Variants in ARHGAP11A observed in about 807,000 individuals in gnomAD.
The protein encoded by ARHGAP11A is Rho GTPase activating protein 11A.
In ARHGAP11A, 36 loss-of-function variants were observed where a neutral mutation model predicts 60.5. The observed-to-expected ratio is 0.59, with a 90% confidence interval of 0.46 to 0.79. ARHGAP11A has a LOEUF of 0.79. ARHGAP11A is among the 30% of genes least tolerant of loss of function. The pLI is 0.00. For missense variants in ARHGAP11A, 1,071 were observed against 1,199.2 expected (o/e 0.89, Z 1.58); for synonymous variants, 362 against 415.5 (o/e 0.87, Z 1.57).
chr15:32,620,868 C>A (rs908516760), intron 2 of ARHGAP11A, among the ~76,000 whole-genome samples: 36 of 151,900 alleles, frequency 2.4e-4, no homozygotes, highest in African/African-American at 8.7e-4. Flanking sequence ...GATTTTGAGA[C>A]CAGTCTGGGC....
chr15:32,624,627 T>C (rs2053415678), intron 4 of ARHGAP11A, among the ~76,000 whole-genome samples: 1 of 152,264 alleles, frequency 6.6e-6, no homozygotes, highest in East Asian at 1.9e-4. Flanking sequence ...GTCATCATCA[T>C]GAATGCCTTA....
chr15:32,625,689 A>C, intron 6 of ARHGAP11A, 56 bp downstream of exon 6: 4 of 1,586,672 alleles, frequency 2.5e-6, no homozygotes, highest in Non-Finnish European at 3.4e-6. Flanking sequence ...TCGAAAGTAC[A>C]TTTCACATAA....
At chr15:32,618,281 G>GA (rs11408209) in intron 1 of ARHGAP11A, among the ~76,000 whole-genome samples, 41,526 of 151,906 alleles carry the variant, frequency 0.27, 5,807 homozygotes, top group Admixed American at 0.3. Flanking sequence ...AAGACTTAAG[G>GA]AAAAAAACAC....
At chr15:32,625,689 A>G in intron 6 of ARHGAP11A, 56 bp downstream of exon 6, 1 of 1,586,672 alleles carries the variant, frequency 6.3e-7, no homozygotes, top group Non-Finnish European at 8.6e-7. Flanking sequence ...TCGAAAGTAC[A>G]TTTCACATAA....
In ARHGAP11A at chr15:32,626,031, G is replaced by T. The variant is rs568286864; in HGVS notation, c.862+398G>T. The stretch of plus-strand genomic sequence containing the variant: ...GAAGAAGTAACCTATGTCTAATGTA[G>T]ATAGTGCAGTATGACTTGAGTGAAG... On this transcript the variant is annotated intron_variant, in intron 6 of 11. Transcript: ENST00000361627. 6.9e-4 allele frequency among the ~76,000 whole-genome samples: 105 copies of T among 152,162 alleles called. 1 individual carries two copies. The South Asian group carries it at 0.021, about 30-fold the overall frequency.
intron 2 of ARHGAP11A, among the ~76,000 whole-genome samples, chr15:32,621,929 T>C (rs1405500757): frequency 6.6e-6 from 1 of 152,306 alleles, no homozygotes; most frequent in African/African-American, 2.4e-5. Context: ...TCATTTGGGC[T>C]ACTATAGACC....
At chr15:32,622,198 G>T (rs1441711159) in intron 2 of ARHGAP11A, among the ~76,000 whole-genome samples, 1 of 152,298 alleles carries the variant, frequency 6.6e-6, no homozygotes, top group Non-Finnish European at 1.5e-5. Context: ...GTGGTGGATT[G>T]CTTGAGCCCA....
At position 32,633,112 on chromosome 15, in the gene ARHGAP11A, C is replaced by T. The variant is rs1196725793; in HGVS notation, c.1235+4C>T. Reference sequence around the variant, plus strand: ...TTGCAGGCAAAAAAGTTTGCAGGTACTTTATCCAGGACATTTTGTTTTCAT... The same window carrying T: ...TTGCAGGCAAAAAAGTTTGCAGGTATTTTATCCAGGACATTTTGTTTTCAT... On this transcript the variant is annotated splice_donor_region_variant and intron_variant, in intron 9 of 11. Coordinates refer to ENST00000361627, the MANE Select transcript of ARHGAP11A (RefSeq NM_014783.6). 3.1e-6 allele frequency: 5 copies of T among 1,613,824 alleles called. No homozygotes were observed. Among genetic ancestry groups the T allele is most frequent in the Non-Finnish European group, 4.2e-6 (5 of 1,179,868 alleles).
At chr15:32,624,518 GA>G in intron 4 of ARHGAP11A, 92 bp downstream of exon 4, 1 of 1,468,902 alleles carries the variant, frequency 6.8e-7, no homozygotes, top group Non-Finnish European at 9.1e-7. Flanking sequence ...ATTTGGAATG[GA>G]AATTTTTCTT....
rs970930708 is a variant in ARHGAP11A, at chr15:32,636,763, A to G, written c.1990A>G (p.Lys664Glu). Residue 664 changes from lysine to glutamate, a missense_variant, in exon 12 of 12, where the codon AAA (lysine) becomes GAA (glutamate). Physicochemically the swap from Lys to Glu is moderately conservative, Grantham distance 56. This residue lies in a region of ARHGAP11A where 776 missense variants were observed against 760.2 expected (regional missense o/e 1.02). Transcript: ENST00000361627. Reference protein sequence around the residue: ...SKEKYEHHTGKGEKCFSERDF... With the variant: ...SKEKYEHHTGEGEKCFSERDF... ...GGAGAAATATGAACACCACACTGGT[A>G]AAGGTGAAAAATGTTTTTCAGAGAG... 2.5e-6 allele frequency: 4 copies of G among 1,612,388 alleles called. No homozygotes were observed. Among genetic ancestry groups the G allele is most frequent in the Non-Finnish European group, 3.4e-6 (4 of 1,179,656 alleles).
chr15:32,622,595 A>G (rs1377104883), intron 2 of ARHGAP11A, among the ~76,000 whole-genome samples: 3 of 152,028 alleles, frequency 2.0e-5, no homozygotes, highest in African/African-American at 7.2e-5. Flanking sequence ...CTGTGCACCA[A>G]TACAGCTGTA....
Position 32,633,069 on chromosome 15 carries a change from C to T in ARHGAP11A, c.1196C>T (p.Pro399Leu), listed in dbSNP as rs2053621376. 4 of 1,614,014 alleles carry T rather than the reference C, an allele frequency of 2.5e-6. No individual in the cohort carries two copies. The highest frequency in any genetic ancestry group is 3.4e-6 in the Non-Finnish European group (4 of 1,179,944). Reference protein sequence around the residue: ...GGNHLITAGVPRRSKRIAGKK... With the variant: ...GGNHLITAGVLRRSKRIAGKK... Reference sequence around the variant, plus strand: ...AACCATTTGATCACTGCAGGTGTGCCAAGGCGAAGTAAAAGAATTGCAGGC... The same window carrying T: ...AACCATTTGATCACTGCAGGTGTGCTAAGGCGAAGTAAAAGAATTGCAGGC... Residue 399 changes from proline (P) to leucine (L), a missense_variant, in exon 9 of 12, where the codon CCA becomes CTA. Pro to Leu is a moderately conservative substitution (Grantham distance 98). This residue lies in a region of ARHGAP11A where 776 missense variants were observed against 760.2 expected (regional missense o/e 1.02). Transcript: ENST00000361627.
chr15:32,631,694 G>C (rs886790951), intron 8 of ARHGAP11A, among the ~76,000 whole-genome samples: 7 of 151,950 alleles, frequency 4.6e-5, no homozygotes, highest in Non-Finnish European at 8.8e-5. Context: ...TTTATTTTTT[G>C]AGACGGAGTC....
rs61733063 is a variant in ARHGAP11A, at chr15:32,633,073, G to A, written c.1200G>A (p.Arg400=). 3.3e-3 allele frequency: 5,406 copies of A among 1,614,048 alleles called. 183 individuals carry two copies. The African/African-American group carries it at 0.064, about 19-fold the overall frequency. ...ATTTGATCACTGCAGGTGTGCCAAGGCGAAGTAAAAGAATTGCAGGCAAAA... is the reference window on the plus strand; with the variant it reads ...ATTTGATCACTGCAGGTGTGCCAAGACGAAGTAAAAGAATTGCAGGCAAAA... ...GNHLITAGVP[R]RSKRIAGKKV... Residue 400 remains arginine, a synonymous_variant, in exon 9 of 12, where the codon AGG becomes AGA. Transcript: ENST00000361627.
At chr15:32,618,758 ACCCCC>A (rs57091917) in intron 1 of ARHGAP11A, among the ~76,000 whole-genome samples, 2 of 117,440 alleles carry the variant, frequency 1.7e-5, no homozygotes, top group African/African-American at 3.2e-5. Flanking sequence ...ACACGGTGAA[ACCCCC>A]CCCCCCCCGC....
chr15:32,626,798 G>A (rs1194187925), intron 6 of ARHGAP11A, among the ~76,000 whole-genome samples: 6 of 152,226 alleles, frequency 3.9e-5, no homozygotes, highest in South Asian at 2.1e-4. Context: ...GCTTGCAGCC[G>A]CGTCACTCCA....
In ARHGAP11A at chr15:32,625,525, A is replaced by G; in HGVS notation, c.754A>G (p.Met252Val). 2 of 1,613,928 alleles carry G rather than the reference A, an allele frequency of 1.2e-6. No individual in the cohort carries two copies. Among genetic ancestry groups the G allele is most frequent in the South Asian group, 1.1e-5 (1 of 91,072 alleles). Reference protein sequence around the residue: ...PDFILEKIPAMLGIDGLCATP... With the variant: ...PDFILEKIPAVLGIDGLCATP... ...TTTTATCCTGGAAAAGATACCAGCC[A>G]TGTTGGGTATTGATGGTCTCTGTGC... Residue 252 changes from methionine (M) to valine (V), a missense_variant, in exon 6 of 12, where the codon ATG (methionine) becomes GTG (valine). Met to Val is a conservative substitution (Grantham distance 21). Around this residue, in one of 4 missense-constraint regions of ARHGAP11A, gnomAD observed 196 missense variants for 272.1 expected, o/e 0.72. Transcript: ENST00000361627.
In ARHGAP11A at chr15:32,620,900, T is replaced by TA. The variant is rs1196876980; in HGVS notation, c.200+730dup. On this transcript the variant is annotated intron_variant, in intron 2 of 11. Transcript: ENST00000361627. ...GGGCAACAAAGCAAGACTCCATGTA[T>TA]AAAAAAAATTTTAAAGAAAAATCAG... Among the ~76,000 whole-genome samples the TA allele has an allele frequency of 5.3e-5, 8 of 151,906 alleles. No homozygotes were observed. In the East Asian group the frequency reaches 1.6e-3, roughly 29 times the overall value.
Position 32,638,468 on chromosome 15 carries a change from G to C in ARHGAP11A, c.*623G>C, listed in dbSNP as rs1043694388. ...TGTGATAGAAAGAATGGAGCAAGTT[G>C]TGCCTATTTCCTCCAAGTCAGATAA... On this transcript the variant is annotated 3_prime_UTR_variant, in exon 12 of 12. Transcript: ENST00000361627. 2 of 152,160 alleles carry C rather than the reference G, an allele frequency of 1.3e-5. No homozygotes were observed. Among genetic ancestry groups the C allele is most frequent in the Non-Finnish European group, 2.9e-5 (2 of 68,026 alleles). 9.4% of individuals were successfully genotyped at this position (152,160 alleles called of 1,614,324 possible). A position where few individuals can be genotyped will look rare whatever the true frequency, so the allele number is the denominator to read the frequency against.
Sources: allele counts gnomAD v4.1 joint callset (sites outside exome capture counted in the v4.1 genomes callset), GRCh38; gene constraint gnomAD v4.1.1; regional missense constraint gnomAD v4.1.1; transcripts MANE v1.5; gene names NCBI Gene and HGNC (gene_info 2026-07-23, HGNC 2026-07-21).